SCFD1: variants seen among roughly 807,000 people sequenced by gnomAD.
SCFD1 encodes the protein sec1 family domain containing 1.
A neutral mutation model predicts 103.2 loss-of-function variants in SCFD1; 37 were observed. That is an observed-to-expected ratio of 0.36 (90% CI 0.28 to 0.47). The LOEUF is 0.47. Ranked by LOEUF, SCFD1 falls within the 20% of genes least tolerant of loss-of-function variation. The probability of loss-of-function intolerance (pLI) is 1.00; values close to 1 mark genes in which losing one functional copy is unlikely to be tolerated. For synonymous variants in SCFD1, 264 were observed against 245.0 expected (o/e 1.08, Z -0.73); for missense variants, 639 against 761.2 (o/e 0.84, Z 1.89).
At chr14:30,721,206 ATTAAGGAAAGTTAT>A (rs1349011023) in intron 21 of SCFD1, among the ~76,000 whole-genome samples, 2 of 152,122 alleles carry the variant, frequency 1.3e-5, no homozygotes, top group East Asian at 3.8e-4. Flanking sequence ...CCTCTGAACA[ATTAAGGAAAGTTAT>A]GATAGCCCTC....
At chr14:30,657,878 A>G (rs929321091) in intron 10 of SCFD1, among the ~76,000 whole-genome samples, 3 of 152,140 alleles carry the variant, frequency 2.0e-5, no homozygotes, top group Non-Finnish European at 4.4e-5. Flanking sequence ...TATATATTAG[A>G]ACTTACAAAC....
At chr14:30,640,986 T>G (rs889058918) in intron 6 of SCFD1, among the ~76,000 whole-genome samples, 1 of 152,140 alleles carries the variant, frequency 6.6e-6, no homozygotes, top group African/African-American at 2.4e-5. Context: ...GTTTTAAGCA[T>G]GTTACAATAT....
At chr14:30,650,796 G>A (rs1886329233) in intron 9 of SCFD1, 146 bp downstream of exon 9, 4 of 523,376 alleles carry the variant, frequency 7.6e-6, no homozygotes, top group Non-Finnish European at 1.4e-5. Flanking sequence ...GACTCATATT[G>A]TTCTTAAAAT....
At chr14:30,662,121 A>G (rs1887506834) in intron 10 of SCFD1, among the ~76,000 whole-genome samples, 1 of 152,224 alleles carries the variant, frequency 6.6e-6, no homozygotes, top group Non-Finnish European at 1.5e-5. Flanking sequence ...TAGAGAAAAT[A>G]CACACAAATG....
In SCFD1 at chr14:30,727,846, A is replaced by G. The variant is rs943164984; in HGVS notation, c.1836+5287A>G. 2.0e-5 allele frequency among the ~76,000 whole-genome samples: 3 copies of G among 152,256 alleles called. No homozygotes were observed. The East Asian group carries it at 5.8e-4, about 29-fold the overall frequency. On this transcript the variant is annotated intron_variant, in intron 23 of 24. Coordinates refer to ENST00000458591, the MANE Select transcript of SCFD1 (RefSeq NM_016106.4). ...GTCCATTCCCAGTCACATGATGTTGAGGTGGATAACTACAAGTTTATAGGA... is the reference window on the plus strand; with the variant it reads ...GTCCATTCCCAGTCACATGATGTTGGGGTGGATAACTACAAGTTTATAGGA...
At chr14:30,632,873 GA>G (rs1409567579) in intron 3 of SCFD1, among the ~76,000 whole-genome samples, 4 of 152,166 alleles carry the variant, frequency 2.6e-5, no homozygotes, top group Non-Finnish European at 5.9e-5. Context: ...GGGGTAATAG[GA>G]TAGTCTACCA....
At chr14:30,663,182 CA>C (rs1252725370) in intron 10 of SCFD1, among the ~76,000 whole-genome samples, 2 of 152,112 alleles carry the variant, frequency 1.3e-5, no homozygotes, top group African/African-American at 4.8e-5. Flanking sequence ...AGTATTCCAT[CA>C]ATACTTCAGT....
chr14:30,715,910 A>ATACTT lies in SCFD1; in HGVS notation c.1630-12_1630-8dup, dbSNP rs1892248823. On this transcript the variant is annotated splice_polypyrimidine_tract_variant and intron_variant, in intron 19 of 24. Coordinates refer to ENST00000458591, the MANE Select transcript of SCFD1 (RefSeq NM_016106.4). ...GTTTAATATTCTAATATTTAACAAA[A>ATACTT]TACTTTTCCACAGAATCTACCTGTT... is the stretch of plus-strand genomic sequence containing the variant. The ATACTT allele has an allele frequency of 6.7e-7, 1 of 1,488,400 alleles. No homozygotes were observed. Among genetic ancestry groups the ATACTT allele is most frequent in the Non-Finnish European group, 9.2e-7 (1 of 1,087,586 alleles). 92.2% of individuals were successfully genotyped at this position (1,488,400 alleles called of 1,614,324 possible).
intron 2 of SCFD1, among the ~76,000 whole-genome samples, chr14:30,628,487 A>G (rs1276266584): frequency 1.3e-5 from 2 of 152,228 alleles, no homozygotes; most frequent in Non-Finnish European, 2.9e-5. Flanking sequence ...ATTTTCATCT[A>G]GGGAGTCCAG....
intron 3 of SCFD1, among the ~76,000 whole-genome samples, chr14:30,632,260 A>C (rs1343221840): frequency 1.3e-5 from 2 of 152,092 alleles, no homozygotes; most frequent in Non-Finnish European, 2.9e-5. Flanking sequence ...ATTTTCGATA[A>C]GTAACTTGAC....
chr14:30,732,860 A>G (rs1215865841), intron 23 of SCFD1, among the ~76,000 whole-genome samples: 2 of 152,164 alleles, frequency 1.3e-5, no homozygotes, highest in African/African-American at 4.8e-5. Flanking sequence ...AAAACATTTG[A>G]TAATACTAAT....
chr14:30,650,237 C>T (rs1055387788), intron 8 of SCFD1, among the ~76,000 whole-genome samples: 1 of 151,230 alleles, frequency 6.6e-6, no homozygotes, highest in East Asian at 2.0e-4. Context: ...CATATAGACA[C>T]CTTCCTTGAT....
intron 4 of SCFD1, chr14:30,634,988 G>A (rs542856190): frequency 2.2e-5 from 10 of 455,790 alleles, no homozygotes; most frequent in South Asian, 1.5e-4. Context: ...AGAAAATCTA[G>A]CAAGATTCTT....
At chr14:30,638,874 C>A (rs73251163) in intron 5 of SCFD1, among the ~76,000 whole-genome samples, 1 of 152,150 alleles carries the variant, frequency 6.6e-6, no homozygotes, top group Non-Finnish European at 1.5e-5. Flanking sequence ...AAGTTCCAGA[C>A]AACTATCTAG....
intron 1 of SCFD1, 21 bp downstream of exon 1, chr14:30,622,420 C>T (rs757635637): frequency 1.9e-6 from 3 of 1,550,596 alleles, no homozygotes; most frequent in East Asian, 2.4e-5. Flanking sequence ...ATTCTCTTCT[C>T]CTTGAAGCTT....
intron 10 of SCFD1, among the ~76,000 whole-genome samples, chr14:30,658,600 C>T (rs1887136493): frequency 6.6e-6 from 1 of 152,058 alleles, no homozygotes; most frequent in Non-Finnish European, 1.5e-5. Flanking sequence ...GCCATGTTAG[C>T]CAGACTGCTC....
intron 15 of SCFD1, among the ~76,000 whole-genome samples, chr14:30,698,375 C>CTTTA (rs1890841290): frequency 6.6e-6 from 1 of 152,190 alleles, no homozygotes; most frequent in African/African-American, 2.4e-5. Context: ...TCAGATTGGT[C>CTTTA]TTTAAAACCT....
chr14:30,727,007 C>T (rs1219160832), intron 23 of SCFD1, among the ~76,000 whole-genome samples: 1 of 152,008 alleles, frequency 6.6e-6, no homozygotes, highest in Non-Finnish European at 1.5e-5. Context: ...TGAGAGATGG[C>T]GGGCGAGGGA....
rs1210345530 is a variant in SCFD1 at position 30,634,719 on chromosome 14, C to G, written c.312+682C>G. ...GAAGTACTATAAGGTAATCAAAGAC[C>G]CAGGCTCCTTCTGTCGCTGATCATT... On this transcript the variant is annotated intron_variant, in intron 4 of 24. Coordinates refer to ENST00000458591, the MANE Select transcript of SCFD1 (RefSeq NM_016106.4). 9.1e-6 allele frequency: 4 copies of G among 437,680 alleles called. No homozygotes were observed. The Admixed American group carries it at 1.0e-4, about 11-fold the overall frequency. The allele number at this position is 437,680 out of a possible 1,614,324, so 27.1% of individuals were successfully genotyped here. A position where few individuals can be genotyped will look rare whatever the true frequency, so the allele number is the denominator to read the frequency against.
Sources: allele counts gnomAD v4.1 joint callset (sites outside exome capture counted in the v4.1 genomes callset), GRCh38; gene constraint gnomAD v4.1.1; transcripts MANE v1.5; gene names NCBI Gene and HGNC (gene_info 2026-07-23, HGNC 2026-07-21).